The following CYP2C19 variants were observed in gnomAD, a reference collection of about 807,000 sequenced individuals.
CYP2C19 encodes cytochrome P450 family 2 subfamily C member 19.
A neutral mutation model predicts 40.9 loss-of-function variants in CYP2C19; 59 were observed. The observed-to-expected ratio is 1.44, with a 90% confidence interval of 1.17 to 1.79. The LOEUF (loss-of-function observed/expected upper bound fraction) is 1.79. CYP2C19 is among the 40% of genes most tolerant of loss of function. The pLI, the probability that CYP2C19 is intolerant of heterozygous loss-of-function variation, is 0.00. For synonymous variants in CYP2C19, 253 were observed against 208.7 expected, an observed-to-expected ratio of 1.21 and a Z score of -1.83; for missense variants, 754 against 596.9, an observed-to-expected ratio of 1.26 and a Z score of -2.74.
In CYP2C19 at chr10:94,833,144, C is replaced by T. The variant is rs955120013; in HGVS notation, c.962-9693C>T. Among the ~76,000 whole-genome samples, 9 of 152,254 alleles carry T rather than the reference C, an allele frequency of 5.9e-5. No individual in the cohort carries two copies. The East Asian group carries it at 1.7e-3, about 29-fold the overall frequency. ...ACTTTACAGAATTTGTTCATCAGTT[C>T]TAATAATTATCTTGTGGAATCTTTA... On this transcript the variant is annotated intron_variant, in intron 6 of 8. Transcript: ENST00000371321.
intron 6 of CYP2C19, among the ~76,000 whole-genome samples, chr10:94,828,147 G>A (rs1251263726): frequency 6.6e-6 from 1 of 152,104 alleles, no homozygotes; most frequent in Admixed American, 6.6e-5. Flanking sequence ...CTGTTGATTT[G>A]GGGTGGAGAG....
chr10:94,840,047 C>T (rs1212823701), intron 6 of CYP2C19, among the ~76,000 whole-genome samples: 1 of 151,878 alleles, frequency 6.6e-6, no homozygotes, highest in African/African-American at 2.4e-5. Context: ...AATGAGGTTT[C>T]CTCTAAAAGT....
intron 8 of CYP2C19, among the ~76,000 whole-genome samples, chr10:94,850,406 C>T (rs1273642130): frequency 1.3e-5 from 2 of 152,192 alleles, no homozygotes; most frequent in African/African-American, 4.8e-5. Flanking sequence ...CACTCCAGAA[C>T]TTCACTGAGT....
intron 5 of CYP2C19, among the ~76,000 whole-genome samples, chr10:94,785,814 G>A (rs1392006133): frequency 6.6e-6 from 1 of 152,028 alleles, no homozygotes. Flanking sequence ...TGTTCAAAAT[G>A]GCAGCTCTAT....
Position 94,853,850 on chromosome 10 carries a change from G to A in CYP2C19, c.*936G>A, listed in dbSNP as rs1009148573. Among the ~76,000 whole-genome samples the A allele has an allele frequency of 4.0e-5, 6 of 151,562 alleles. No homozygotes were observed. The highest frequency in any genetic ancestry group is 7.4e-5 in the Non-Finnish European group (5 of 67,890). ...AGTGAGACACTGTGCCTGGTCTAAT[G>A]TTACTTTAAAGTGTCATTACTTTAT... On this transcript the variant is annotated 3_prime_UTR_variant, in exon 9 of 9. Coordinates refer to ENST00000371321, the MANE Select transcript of CYP2C19 (RefSeq NM_000769.4).
chr10:94,788,202 G>T (rs1848567561), intron 5 of CYP2C19, among the ~76,000 whole-genome samples: 1 of 151,672 alleles, frequency 6.6e-6, no homozygotes, highest in Non-Finnish European at 1.5e-5. Flanking sequence ...TATACAAATG[G>T]TACTGAGTTT....
chr10:94,853,693 G>A lies in CYP2C19; in HGVS notation c.*779G>A, dbSNP rs953653590. ...CCTGAGTAGCTGGGATTACAGACAC[G>A]TGCCACCATGCCTGGCTAATTTTTT... On this transcript the variant is annotated 3_prime_UTR_variant, in exon 9 of 9. Coordinates refer to ENST00000371321, the MANE Select transcript of CYP2C19 (RefSeq NM_000769.4). Among the ~76,000 whole-genome samples the A allele has an allele frequency of 8.6e-5, 13 of 151,526 alleles. No homozygotes were observed. Among genetic ancestry groups the A allele is most frequent in the South Asian group, 8.4e-4 (4 of 4,784 alleles).
At chr10:94,798,839 GCTGT>G (rs1430875485) in intron 5 of CYP2C19, among the ~76,000 whole-genome samples, 54 of 30,582 alleles carry the variant, frequency 1.8e-3, no homozygotes, top group African/African-American at 6.0e-3. Context: ...TTTTTTTTTT[GCTGT>G]CTATTTGCTT....
At chr10:94,771,111 C>T (rs1373205723) in intron 1 of CYP2C19, among the ~76,000 whole-genome samples, 4 of 152,096 alleles carry the variant, frequency 2.6e-5, no homozygotes, top group African/African-American at 9.7e-5. Context: ...GAAACTTCCC[C>T]AGGTCTGCCT....
chr10:94,803,918 C>T (rs1848799197), intron 5 of CYP2C19, among the ~76,000 whole-genome samples: 1 of 152,028 alleles, frequency 6.6e-6, no homozygotes, highest in Non-Finnish European at 1.5e-5. Flanking sequence ...CAGAGAGGGC[C>T]CCCTTGCACC....
chr10:94,832,130 A>G (rs908714524), intron 6 of CYP2C19, among the ~76,000 whole-genome samples: 2 of 152,106 alleles, frequency 1.3e-5, no homozygotes, highest in African/African-American at 4.8e-5. Context: ...AGGATATTAA[A>G]TTTTCCCAGC....
chr10:94,767,566 C>A (rs906475870), intron 1 of CYP2C19, among the ~76,000 whole-genome samples: 1 of 152,140 alleles, frequency 6.6e-6, no homozygotes, highest in East Asian at 1.9e-4. Context: ...GTGACCTATT[C>A]TTTGTTCCCC....
intron 6 of CYP2C19, among the ~76,000 whole-genome samples, chr10:94,836,966 G>A (rs531859283): frequency 1.3e-5 from 2 of 152,296 alleles, no homozygotes; most frequent in East Asian, 1.9e-4. Context: ...GGGTAAAACA[G>A]TCCAGGTGAG....
chr10:94,794,060 T>C (rs1349514962), intron 5 of CYP2C19, among the ~76,000 whole-genome samples: 1 of 152,146 alleles, frequency 6.6e-6, no homozygotes, highest in African/African-American at 2.4e-5. Flanking sequence ...TCAGAAGTGG[T>C]GGACGCCCAT....
At chr10:94,783,080 C>T (rs1488767259) in intron 5 of CYP2C19, among the ~76,000 whole-genome samples, 1 of 152,004 alleles carries the variant, frequency 6.6e-6, no homozygotes, top group African/African-American at 2.4e-5. Flanking sequence ...GCACGTTCTG[C>T]ACATGTATCC....
At chr10:94,845,003 G>C (rs1218860807) in intron 7 of CYP2C19, among the ~76,000 whole-genome samples, 2 of 152,170 alleles carry the variant, frequency 1.3e-5, no homozygotes, top group African/African-American at 4.8e-5. Context: ...TTTGAGCCCT[G>C]AGAACCCAGA....
intron 1 of CYP2C19, among the ~76,000 whole-genome samples, chr10:94,769,554 T>G (rs1848298429): frequency 6.6e-6 from 1 of 152,184 alleles, no homozygotes; most frequent in Non-Finnish European, 1.5e-5. Context: ...AATTACTGCC[T>G]CATTGATGAG....
At chr10:94,823,601 G>A (rs1006046453) in intron 6 of CYP2C19, among the ~76,000 whole-genome samples, 1 of 152,134 alleles carries the variant, frequency 6.6e-6, no homozygotes, top group Non-Finnish European at 1.5e-5. Flanking sequence ...CAGGGTCATG[G>A]AATTTCAGGA....
At chr10:94,824,839 A>G (rs1415912156) in intron 6 of CYP2C19, among the ~76,000 whole-genome samples, 2 of 125,738 alleles carry the variant, frequency 1.6e-5, no homozygotes, top group Non-Finnish European at 3.2e-5. Flanking sequence ...CCAGAGTGTG[A>G]TATTCCCCTT....
Sources: allele counts gnomAD v4.1 joint callset (sites outside exome capture counted in the v4.1 genomes callset), GRCh38; gene constraint gnomAD v4.1.1; transcripts MANE v1.5; gene names NCBI Gene and HGNC (gene_info 2026-07-23, HGNC 2026-07-21).